Variants in AAMDC observed in about 807,000 individuals in gnomAD.
The protein encoded by AAMDC is mth938 domain-containing protein.
In AAMDC, 16 loss-of-function variants were observed where a neutral mutation model predicts 15.5. That is an observed-to-expected ratio of 1.03 (90% CI 0.70 to 1.57). The LOEUF (loss-of-function observed/expected upper bound fraction) is 1.57. AAMDC is among the 40% of genes most tolerant of loss of function. The probability of loss-of-function intolerance (pLI) is 0.00; values close to 1 mark genes in which losing one functional copy is unlikely to be tolerated. For missense variants in AAMDC, 141 were observed against 144.9 expected, an observed-to-expected ratio of 0.97 and a Z score of 0.14; for synonymous variants, 51 against 51.6, an observed-to-expected ratio of 0.99 and a Z score of 0.05.
chr11:77,868,753 G>A, intron 2 of AAMDC: 1 of 234,418 alleles, frequency 4.3e-6, no homozygotes, highest in Middle Eastern at 1.2e-3. Context: ...CAGCAACTCA[G>A]GCTCCTTCCC....
At chr11:77,824,315 G>T (rs1215605671) in intron 1 of AAMDC, among the ~76,000 whole-genome samples, 1 of 152,154 alleles carries the variant, frequency 6.6e-6, no homozygotes, top group Non-Finnish European at 1.5e-5. Context: ...ACCTGTATTT[G>T]ATTTATTGCT....
chr11:77,821,536 G>A (rs1265697852), intron 1 of AAMDC, among the ~76,000 whole-genome samples: 1 of 152,156 alleles, frequency 6.6e-6, no homozygotes, highest in African/African-American at 2.4e-5. Context: ...GGAGTGAGGA[G>A]TTGGGGCCCT....
At chr11:77,854,545 C>T (rs1264826496) in intron 2 of AAMDC, among the ~76,000 whole-genome samples, 5 of 152,250 alleles carry the variant, frequency 3.3e-5, no homozygotes. Context: ...ACTTAAAACT[C>T]CAAAATAATA....
chr11:77,897,667 A>T (rs1214828907), intron 5 of AAMDC, among the ~76,000 whole-genome samples: 3 of 145,862 alleles, frequency 2.1e-5, no homozygotes, highest in Non-Finnish European at 3.0e-5. Flanking sequence ...CGCCCGGCTA[A>T]TTTTTTTTTT....
chr11:77,835,584 C>T (rs1011420915), intron 1 of AAMDC, among the ~76,000 whole-genome samples: 2 of 152,094 alleles, frequency 1.3e-5, no homozygotes, highest in Non-Finnish European at 2.9e-5. Context: ...ATAATAAATT[C>T]TATAATTTTC....
At chr11:77,840,854 C>G (rs1033615414) in intron 1 of AAMDC, among the ~76,000 whole-genome samples, 1 of 152,162 alleles carries the variant, frequency 6.6e-6, no homozygotes, top group Non-Finnish European at 1.5e-5. Context: ...CAACTTTTCC[C>G]CCTGAAAGTT....
At chr11:77,872,463 A>T, downstream of AAMDC, 2 of 913,168 alleles carry the variant, frequency 2.2e-6, no homozygotes, top group Non-Finnish European at 1.6e-6. Context: ...GATGACCAAG[A>T]CAAGGTCCCT....
chr11:77,886,910 G>A (rs947442011), intron 5 of AAMDC, among the ~76,000 whole-genome samples: 5 of 152,088 alleles, frequency 3.3e-5, no homozygotes, highest in African/African-American at 1.2e-4. Flanking sequence ...CGAGAACAAA[G>A]ACACAACATA....
chr11:77,848,561 T>C (rs1160972094), intron 2 of AAMDC, among the ~76,000 whole-genome samples: 1 of 152,176 alleles, frequency 6.6e-6, no homozygotes, highest in African/African-American at 2.4e-5. Context: ...GGTTTCACCA[T>C]GTTGGCCAGG....
chr11:77,893,819 G>A (rs1952384143), intron 5 of AAMDC, among the ~76,000 whole-genome samples: 3 of 151,966 alleles, frequency 2.0e-5, no homozygotes, highest in Admixed American at 1.3e-4. Context: ...CTTGAACCCA[G>A]GAGGCGGAGG....
Position 77,899,243 on chromosome 11 carries a change from C to T in AAMDC, c.329-1328C>T, listed in dbSNP as rs190059938. 1.8e-4 allele frequency among the ~76,000 whole-genome samples: 28 copies of T among 151,936 alleles called. No homozygotes were observed. The East Asian group carries it at 5.2e-3, about 28-fold the overall frequency. On this transcript the variant is annotated intron_variant, in intron 5 of 5. Transcript: ENST00000304716. ...CAATGTGGCACCACAGCCCTCTTAA[C>T]CAGTATGTTCTACTGCCTCTCACTT... is the stretch of plus-strand genomic sequence containing the variant.
At chr11:77,858,889 C>T (rs1950755205) in intron 2 of AAMDC, among the ~76,000 whole-genome samples, 1 of 152,196 alleles carries the variant, frequency 6.6e-6, no homozygotes, top group Non-Finnish European at 1.5e-5. Context: ...AAGAGATAAA[C>T]TTAACAAGGA....
chr11:77,891,886 A>C, intron 5 of AAMDC: 1 of 1,609,766 alleles, frequency 6.2e-7, no homozygotes, highest in Non-Finnish European at 8.5e-7. Flanking sequence ...CTGTGCACTC[A>C]TTCACCACAG....
intron 5 of AAMDC, among the ~76,000 whole-genome samples, chr11:77,887,370 C>A (rs1303845722): frequency 6.6e-6 from 1 of 152,176 alleles, no homozygotes; most frequent in South Asian, 2.1e-4. Flanking sequence ...CAAAATTCAA[C>A]AACCTTCATG....
At chr11:77,845,681 C>T (rs563602308) in intron 2 of AAMDC, among the ~76,000 whole-genome samples, 58 of 152,222 alleles carry the variant, frequency 3.8e-4, no homozygotes, top group African/African-American at 1.4e-3. Context: ...CCACCCACCT[C>T]GGCCTCCCAA....
intron 2 of AAMDC, among the ~76,000 whole-genome samples, chr11:77,844,401 C>T (rs906837212): frequency 1.3e-5 from 2 of 151,942 alleles, no homozygotes; most frequent in Admixed American, 6.6e-5. Flanking sequence ...CTCCCTCTGT[C>T]GTCCAGGCTA....
chr11:77,893,407 A>C (rs1387865883), intron 5 of AAMDC, among the ~76,000 whole-genome samples: 1 of 152,110 alleles, frequency 6.6e-6, no homozygotes, highest in Non-Finnish European at 1.5e-5. Flanking sequence ...GAAGTTTGAG[A>C]CCAGCCTGAG....
chr11:77,826,231 G>A (rs898510202), intron 1 of AAMDC, among the ~76,000 whole-genome samples: 4 of 151,988 alleles, frequency 2.6e-5, no homozygotes, highest in African/African-American at 9.7e-5. Flanking sequence ...GCATGGTGGT[G>A]CATGCCTGTA....
At chr11:77,841,396 C>A (rs899530504) in intron 1 of AAMDC, 2 of 592,094 alleles carry the variant, frequency 3.4e-6, no homozygotes, top group Admixed American at 2.9e-5. Flanking sequence ...TTCTTAAACC[C>A]AGTTTCCCAA....
Sources: gnomAD v4.1 joint callset for allele counts (sites outside exome capture counted in the v4.1 genomes callset) on GRCh38, gnomAD v4.1.1 for gene constraint, MANE v1.5 for transcripts, NCBI Gene and HGNC (gene_info 2026-07-23, HGNC 2026-07-21) for gene names.